Variants in PPP3CA observed in about 807,000 individuals in gnomAD.
PPP3CA encodes the protein CAM-PRP catalytic subunit.
Under a neutral mutation model 66.5 loss-of-function variants are expected in PPP3CA, and 14 were observed. The ratio of observed to expected loss-of-function variants is 0.21; its 90% CI spans 0.14 to 0.33. The LOEUF (loss-of-function observed/expected upper bound fraction) is 0.33, where lower values mean the gene tolerates loss of function less well. PPP3CA is among the 10% of genes least tolerant of loss of function. PPP3CA has a pLI of 1.00. For missense variants in PPP3CA, 317 were observed against 639.5 expected, an observed-to-expected ratio of 0.50 and a Z score of 5.44; for synonymous variants, 232 against 226.2, an observed-to-expected ratio of 1.03 and a Z score of -0.23.
At chr4:101,033,293 A>AACACACACAC (rs70961772) in intron 11 of PPP3CA, among the ~76,000 whole-genome samples, 290 of 139,366 alleles carry the variant, frequency 2.1e-3, no homozygotes, top group Non-Finnish European at 3.8e-3. Context: ...CACACACACA[A>AACACACACAC]ACACACACAC....
intron 1 of PPP3CA, chr4:101,250,247 G>A (rs1187918996): frequency 2.3e-6 from 1 of 427,102 alleles, no homozygotes; most frequent in Non-Finnish European, 4.7e-6. Context: ...ACGCAGTGTG[G>A]TGTTATGAGA....
chr4:101,083,115 G>A (rs930846632), intron 7 of PPP3CA, 71 bp downstream of exon 7: 2 of 1,208,742 alleles, frequency 1.7e-6, no homozygotes, highest in Non-Finnish European at 2.2e-6. Context: ...AACCTGCAGA[G>A]CCTAAGCAAA....
intron 1 of PPP3CA, among the ~76,000 whole-genome samples, chr4:101,250,708 A>G (rs1270250549): frequency 6.6e-6 from 1 of 152,134 alleles, no homozygotes; most frequent in Non-Finnish European, 1.5e-5. Context: ...GTGACTTTAA[A>G]ATAATTTTTC....
chr4:101,058,247 T>C (rs1436156985), intron 10 of PPP3CA, among the ~76,000 whole-genome samples: 1 of 152,200 alleles, frequency 6.6e-6, no homozygotes, highest in Non-Finnish European at 1.5e-5. Flanking sequence ...TTAGCCTGTG[T>C]GTAAATTTTG....
At chr4:101,092,904 C>T (rs572295890) in intron 6 of PPP3CA, among the ~76,000 whole-genome samples, 7 of 152,226 alleles carry the variant, frequency 4.6e-5, no homozygotes, top group African/African-American at 1.7e-4. Flanking sequence ...GTAAATAGTG[C>T]TGCAATAAAC....
At chr4:101,155,934 T>C (rs1160747688) in intron 2 of PPP3CA, among the ~76,000 whole-genome samples, 1 of 152,224 alleles carries the variant, frequency 6.6e-6, no homozygotes, top group South Asian at 2.1e-4. Flanking sequence ...TGAGCTCTTA[T>C]CATGTGCTGT....
In PPP3CA at chr4:101,039,235, T is replaced by C. The variant is rs934094156; in HGVS notation, c.1241+1247A>G. Among the ~76,000 whole-genome samples the C allele has an allele frequency of 1.4e-4, 21 of 144,982 alleles. 4 individuals carry two copies. The highest frequency in any genetic ancestry group is 9.7e-4 in the Admixed American group (14 of 14,500). ...TGAACTCCCTTACCTCATTTCTTCA[T>C]GAAGGTCACCTATGCTTGCCCAAAT... is the stretch of plus-strand genomic sequence containing the variant. On this transcript the variant is annotated intron_variant, in intron 11 of 13. Transcript: ENST00000394854.
At chr4:101,284,938 A>G (rs867711102) in intron 1 of PPP3CA, among the ~76,000 whole-genome samples, 2 of 150,258 alleles carry the variant, frequency 1.3e-5, no homozygotes, top group African/African-American at 5.1e-5. Context: ...CATTTAAAAT[A>G]TGGGGATTAA....
intron 1 of PPP3CA, among the ~76,000 whole-genome samples, chr4:101,220,303 T>TTC (rs1165153093): frequency 1.6e-4 from 24 of 151,274 alleles, no homozygotes; most frequent in Non-Finnish European, 3.1e-4. Flanking sequence ...CAGCACGTTT[T>TTC]TTTTTTTATT....
At chr4:101,254,700 T>C (rs1439879385) in intron 1 of PPP3CA, among the ~76,000 whole-genome samples, 1 of 151,902 alleles carries the variant, frequency 6.6e-6, no homozygotes, top group African/African-American at 2.4e-5. Flanking sequence ...GTAAATTTAA[T>C]ACCATAAGGC....
intron 1 of PPP3CA, among the ~76,000 whole-genome samples, chr4:101,254,942 G>A (rs536852985): frequency 4.4e-4 from 65 of 149,152 alleles, no homozygotes; most frequent in African/African-American, 1.5e-3. Flanking sequence ...ACAGGACCTC[G>A]TATGTATGTA....
At chr4:101,141,632 G>T (rs1004400619) in intron 2 of PPP3CA, among the ~76,000 whole-genome samples, 1 of 152,070 alleles carries the variant, frequency 6.6e-6, no homozygotes, top group Non-Finnish European at 1.5e-5. Flanking sequence ...TCCTCAGAAA[G>T]GTCTTCCCTG....
intron 1 of PPP3CA, among the ~76,000 whole-genome samples, chr4:101,253,211 T>C (rs1578597555): frequency 6.6e-6 from 1 of 152,214 alleles, no homozygotes; most frequent in Admixed American, 6.6e-5. Flanking sequence ...TTATCTTAAA[T>C]GGCACAGCTT....
chr4:101,085,697 C>T (rs1238756879), intron 6 of PPP3CA, among the ~76,000 whole-genome samples: 3 of 152,076 alleles, frequency 2.0e-5, no homozygotes, highest in African/African-American at 7.2e-5. Flanking sequence ...CCCACTGTTG[C>T]TGAACTATTT....
chr4:101,158,664 T>C (rs1200184108), intron 2 of PPP3CA, among the ~76,000 whole-genome samples: 1 of 152,214 alleles, frequency 6.6e-6, no homozygotes, highest in African/African-American at 2.4e-5. Context: ...TGATTGCCTA[T>C]CACTGGTGCC....
At chr4:101,029,423 C>T (rs1726836067) in intron 12 of PPP3CA, among the ~76,000 whole-genome samples, 1 of 149,866 alleles carries the variant, frequency 6.7e-6, no homozygotes, top group South Asian at 2.1e-4. Flanking sequence ...CTGGGTACGC[C>T]TATCTGAATT....
intron 1 of PPP3CA, among the ~76,000 whole-genome samples, chr4:101,203,039 A>G (rs1301252906): frequency 1.3e-5 from 2 of 152,192 alleles, no homozygotes; most frequent in African/African-American, 4.8e-5. Flanking sequence ...CTTACATAAC[A>G]TACCAATGTG....
intron 1 of PPP3CA, among the ~76,000 whole-genome samples, chr4:101,321,681 A>G (rs1490947010): frequency 6.6e-6 from 1 of 152,244 alleles, no homozygotes; most frequent in African/African-American, 2.4e-5. Context: ...ACCAGTGAAT[A>G]AGCCTCCAAG....
At chr4:101,150,721 G>A (rs999774988) in intron 2 of PPP3CA, among the ~76,000 whole-genome samples, 2 of 152,134 alleles carry the variant, frequency 1.3e-5, no homozygotes, top group African/African-American at 4.8e-5. Flanking sequence ...CTGTATAGAA[G>A]CAAAATAAAG....
Sources: gnomAD v4.1 joint callset for allele counts (sites outside exome capture counted in the v4.1 genomes callset) on GRCh38, gnomAD v4.1.1 for gene constraint, MANE v1.5 for transcripts, NCBI Gene and HGNC (gene_info 2026-07-23, HGNC 2026-07-21) for gene names.